Variants in GPX3 observed in about 807,000 individuals in gnomAD.
The protein encoded by GPX3 is GPx-3.
In GPX3, 22 loss-of-function variants were observed where a neutral mutation model predicts 25.1. The observed-to-expected ratio is 0.88, with a 90% CI of 0.63 to 1.25. The LOEUF (loss-of-function observed/expected upper bound fraction) is 1.25. Among genes scored for constraint, GPX3 ranks in the 50% most tolerant of loss-of-function variants. The pLI is 0.00. For missense variants in GPX3, 278 were observed against 286.6 expected, an observed-to-expected ratio of 0.97 and a Z score of 0.22; for synonymous variants, 110 against 114.5, an observed-to-expected ratio of 0.96 and a Z score of 0.25.
In GPX3 at chr5:151,028,081, T is replaced by A. The variant is rs886805020; in HGVS notation, c.632T>A (p.Ile211Asn). 1 of 1,609,216 alleles carries A rather than the reference T, an allele frequency of 6.2e-7. No homozygotes were observed. Among genetic ancestry groups the A allele is most frequent in the Admixed American group, 1.7e-5 (1 of 58,988 alleles). Residue 211 changes from isoleucine (I) to asparagine (N), a missense_variant, in exon 5 of 5, where the codon ATC (isoleucine) becomes AAC (asparagine). By Grantham distance (149) the Ile-to-Asn change is moderately radical (BLOSUM62 -3). Coordinates refer to ENST00000388825, the MANE Select transcript of GPX3 (RefSeq NM_002084.5). ...RTTVSNVKMDILSYMRRQAAL... is the reference protein window; with the variant it reads ...RTTVSNVKMDNLSYMRRQAAL... The stretch of plus-strand genomic sequence containing the variant: ...ACGGTCAGCAACGTCAAGATGGACA[T>A]CCTGTCCTACATGAGGCGGCAGGCA...
In GPX3 at chr5:151,028,252, G is replaced by C. The variant is rs1756591247; in HGVS notation, c.*122G>C. 1.2e-6 allele frequency: 1 copy of C among 869,514 alleles called. No homozygotes were observed. The highest frequency in any genetic ancestry group is 1.8e-6 in the Non-Finnish European group (1 of 549,190). 53.9% of individuals were successfully genotyped at this position (869,514 alleles called of 1,614,324 possible). A position where few individuals can be genotyped will look rare whatever the true frequency, so the allele number is the denominator to read the frequency against. ...CCCTTTCCTATCACTCAAGGCCCCA[G>C]CCTGGCACAAATGGATGCATACAGT... On this transcript the variant is annotated 3_prime_UTR_variant, in exon 5 of 5. Transcript: ENST00000388825.
In GPX3 at chr5:151,024,200, T is replaced by C. The variant is rs141666375; in HGVS notation, c.88-1140T>C. Among the ~76,000 whole-genome samples the C allele has an allele frequency of 4.1e-3, 620 of 152,354 alleles. 3 individuals are homozygous for C. The highest frequency in any genetic ancestry group is 6.8e-3 in the Middle Eastern group (2 of 294). On this transcript the variant is annotated intron_variant, in intron 1 of 4. Transcript: ENST00000388825. ...AGGATATCAGGGCCACAAAGGACCT[T>C]AAAGACCACCTTATACAATGGTTTC...
intron 2 of GPX3, among the ~76,000 whole-genome samples, chr5:151,025,922 G>A (rs1235104544): frequency 1.3e-5 from 2 of 152,144 alleles, no homozygotes; most frequent in African/African-American, 2.4e-5. Context: ...GAGTGTATGC[G>A]TGGTGTAGCG....
chr5:151,023,912 A>C (rs905543330), intron 1 of GPX3, among the ~76,000 whole-genome samples: 2 of 152,220 alleles, frequency 1.3e-5, no homozygotes, highest in Non-Finnish European at 2.9e-5. Flanking sequence ...TGGCGGAGGA[A>C]GCGCAGCCTC....
chr5:151,027,984 A>C lies in GPX3; in HGVS notation c.535A>C (p.Ile179Leu). The C allele has an allele frequency of 6.2e-7, 1 of 1,614,178 alleles. No individual in the cohort carries two copies. The highest frequency in any genetic ancestry group is 8.5e-7 in the Non-Finnish European group (1 of 1,180,020). Reference protein sequence around the residue: ...LFWEPMKVHDIRWNFEKFLVG... With the variant: ...LFWEPMKVHDLRWNFEKFLVG... Reference sequence around the variant, plus strand: ...CTGGGAACCCATGAAGGTTCACGACATCCGCTGGAACTTTGAGAAGTTCCT... The same window carrying C: ...CTGGGAACCCATGAAGGTTCACGACCTCCGCTGGAACTTTGAGAAGTTCCT... Residue 179 changes from isoleucine (I) to leucine (L), a missense_variant, in exon 5 of 5, where the codon ATC (isoleucine) becomes CTC (leucine). Ile to Leu is a conservative substitution (Grantham distance 5, BLOSUM62 2). Transcript: ENST00000388825.
At chr5:151,025,933 G>T (rs1756541016) in intron 2 of GPX3, among the ~76,000 whole-genome samples, 1 of 152,120 alleles carries the variant, frequency 6.6e-6, no homozygotes. Context: ...TGGTGTAGCG[G>T]GATGAAGGAG....
chr5:151,023,118 C>T (rs567477539), intron 1 of GPX3, among the ~76,000 whole-genome samples: 3 of 152,156 alleles, frequency 2.0e-5, no homozygotes, highest in African/African-American at 4.8e-5. Flanking sequence ...TTCTCTTGCC[C>T]GGCTGTGGGA....
chr5:151,024,069 A>G (rs1756513370), intron 1 of GPX3, among the ~76,000 whole-genome samples: 1 of 152,218 alleles, frequency 6.6e-6, no homozygotes, highest in Admixed American at 6.5e-5. Flanking sequence ...TGAGGGGAAG[A>G]GAGGGAGTGA....
At chr5:151,023,451 C>A (rs1265321842) in intron 1 of GPX3, among the ~76,000 whole-genome samples, 1 of 152,182 alleles carries the variant, frequency 6.6e-6, no homozygotes, top group African/African-American at 2.4e-5. Context: ...CAGGGCCACA[C>A]AGCCAGCAAA....
At chr5:151,027,105 G>GCGA in intron 3 of GPX3, 88 bp downstream of exon 3, 1 of 886,952 alleles carries the variant, frequency 1.1e-6, no homozygotes, top group Admixed American at 2.0e-5. Flanking sequence ...ACATTTATCG[G>GCGA]CCACCAAGAA....
At chr5:151,023,587 G>T (rs142277978) in intron 1 of GPX3, among the ~76,000 whole-genome samples, 131 of 152,160 alleles carry the variant, frequency 8.6e-4, no homozygotes, top group African/African-American at 3.1e-3. Context: ...TTTCCTCCAT[G>T]TCTCAGAGTT....
At chr5:151,027,887 A>T (rs759471992) in intron 4 of GPX3, 22 bp from the exon 5 acceptor site, 1 of 1,599,576 alleles carries the variant, frequency 6.3e-7, no homozygotes, top group Admixed American at 1.7e-5. Context: ...CAAGGTTGAC[A>T]CTCCTCTTAT....
chr5:151,024,059 T>C (rs2113144621), intron 1 of GPX3, among the ~76,000 whole-genome samples: 2 of 152,340 alleles, frequency 1.3e-5, no homozygotes, highest in South Asian at 4.1e-4. Flanking sequence ...TCTCCAGAAT[T>C]GAGGGGAAGA....
chr5:151,023,557 A>G (rs1316395218), intron 1 of GPX3, among the ~76,000 whole-genome samples: 1 of 152,204 alleles, frequency 6.6e-6, no homozygotes, highest in Non-Finnish European at 1.5e-5. Context: ...TCCCATTATT[A>G]GGACAACCTG....
rs1307470235 is a variant in GPX3, at chr5:151,026,531, A to G, written c.242-369A>G. On this transcript the variant is annotated intron_variant, in intron 2 of 4. Coordinates refer to ENST00000388825, the MANE Select transcript of GPX3 (RefSeq NM_002084.5). ...ATGGGAGGGTTGTAACCTCACCCCA[A>G]AGAAGTTCTCTGCCTTGTATCCAGG... The G allele has an allele frequency of 3.8e-5, 7 of 184,308 alleles. No individual in the cohort carries two copies. The Admixed American group carries it at 4.2e-4, about 11-fold the overall frequency. 11.4% of individuals were successfully genotyped at this position (184,308 alleles called of 1,614,324 possible).
At chr5:151,027,704 C>T (rs1013079778) in intron 4 of GPX3, 173 bp downstream of exon 4, 25 of 665,032 alleles carry the variant, frequency 3.8e-5, no homozygotes, top group African/African-American at 2.0e-4. Flanking sequence ...CTCATTGGCC[C>T]ATTTTACAGA....
At position 151,020,685 on chromosome 5, in the gene GPX3, C is replaced by T. The variant is rs576871899; in HGVS notation, c.31C>T (p.Leu11Phe). ...CCGGCTGCTGCAGGCGTCCTGCCTG[C>T]TTTCCCTGCTCCTGGCCGGCTTCGT... MARLLQASCL[L>F]SLLLAGFVSQ... Residue 11 changes from leucine (L) to phenylalanine (F), a missense_variant, in exon 1 of 5, where the codon CTT (leucine) becomes TTT (phenylalanine). Coordinates refer to ENST00000388825, the MANE Select transcript of GPX3 (RefSeq NM_002084.5). The T allele has an allele frequency of 4.3e-6, 7 of 1,611,680 alleles. No homozygotes were observed. The East Asian group carries it at 8.9e-5, about 21-fold the overall frequency.
In GPX3 at chr5:151,027,634, G is replaced by T. The variant is rs182489422; in HGVS notation, c.459+103G>T. ...CCTCCCCTGCTCCTGGGCTCTTGGG[G>T]AATTTCTTGGCACCTGACTATTGTT... On this transcript the variant is annotated intron_variant, in intron 4 of 4. Coordinates refer to ENST00000388825, the MANE Select transcript of GPX3 (RefSeq NM_002084.5). 1.3e-3 allele frequency: 990 copies of T among 774,718 alleles called. 7 individuals are homozygous for T. In the African/African-American group the frequency reaches 0.016, roughly 12 times the overall value. 48.0% of individuals were successfully genotyped at this position (774,718 alleles called of 1,614,324 possible). A position where few individuals can be genotyped will look rare whatever the true frequency, so the allele number is the denominator to read the frequency against.
At chr5:151,020,867 T>C in intron 1 of GPX3, 126 bp downstream of exon 1, 1 of 916,926 alleles carries the variant, frequency 1.1e-6, no homozygotes, top group Admixed American at 2.0e-5. Context: ...GCGAGAGACC[T>C]CCTGAACCCC....
Sources: gnomAD v4.1 joint callset for allele counts (sites outside exome capture counted in the v4.1 genomes callset) on GRCh38, gnomAD v4.1.1 for gene constraint, MANE v1.5 for transcripts, NCBI Gene and HGNC (gene_info 2026-07-23, HGNC 2026-07-21) for gene names.